Variants in SLITRK4 observed in about 807,000 individuals in gnomAD.
SLITRK4 encodes SLIT and NTRK-like protein 4.
SLITRK4 carries 7 observed loss-of-function variants against 34.7 expected under a neutral mutation model. The observed-to-expected ratio is 0.20, with a 90% confidence interval of 0.11 to 0.38. SLITRK4 has a LOEUF of 0.38. Ranked by LOEUF, SLITRK4 falls within the 10% of genes least tolerant of loss-of-function variation. The pLI is 1.00. For missense variants in SLITRK4, 474 were observed against 607.0 expected (o/e 0.78, Z 2.30); for synonymous variants, 237 against 246.2 (o/e 0.96, Z 0.35).
chrX:143,630,750 T>C lies in SLITRK4; in HGVS notation c.359A>G (p.Lys120Arg). Residue 120 changes from lysine (K) to arginine (R), a missense_variant, in exon 2 of 2, where the codon AAG (lysine) becomes AGG (arginine). Coordinates refer to ENST00000356928, the MANE Select transcript of SLITRK4 (RefSeq NM_001184749.3). ...KQLHLNNNEL[K>R]ILRADTFLGI... The stretch of plus-strand genomic sequence containing the variant: ...AAGGAAAGTGTCAGCTCGGAGAATC[T>C]TTAATTCATTGTTGTTCAAGTGCAA... 8.3e-7 allele frequency: 1 copy of C among 1,211,150 alleles called. No individual in the cohort carries two copies. Among genetic ancestry groups the C allele is most frequent in the Non-Finnish European group, 1.1e-6 (1 of 895,313 alleles).
At chrX:143,633,361 G>A (rs1376324326) in intron 1 of SLITRK4, among the ~76,000 whole-genome samples, 5 of 111,017 alleles carry the variant, frequency 4.5e-5, no homozygotes, top group African/African-American at 1.6e-4. Flanking sequence ...GAATGTATGC[G>A]AATAAAGCCT....
Position 143,629,935 on chromosome X carries a change from C to A in SLITRK4, c.1174G>T (p.Val392Leu), listed in dbSNP as rs1259808930. Residue 392 changes from valine to leucine, a missense_variant, in exon 2 of 2, where the codon GTG becomes TTG. Val to Leu is a conservative substitution (Grantham distance 32, BLOSUM62 1). This residue lies in a region of SLITRK4 where 345 missense variants were observed against 406.5 expected (regional missense o/e 0.85). Transcript: ENST00000356928. ...AAGTCAGTGAAGTCTGATACGTCCA[C>A]ATCCTTGATGCTATTGCCATTGACG... ...LHVNGNSIKD[V>L]DVSDFTDFEG... is the part of the protein sequence containing the mutation. The A allele has an allele frequency of 5.8e-6, 7 of 1,210,383 alleles. No homozygotes were observed. Among genetic ancestry groups the A allele is most frequent in the Non-Finnish European group, 7.8e-6 (7 of 895,354 alleles).
At chrX:143,631,871 T>C (rs1931050547) in intron 1 of SLITRK4, among the ~76,000 whole-genome samples, 1 of 111,928 alleles carries the variant, frequency 8.9e-6, no homozygotes, top group South Asian at 3.7e-4. Context: ...TTTTATTTTC[T>C]GGTAAATAAA....
rs782288305 is a variant in SLITRK4, at chrX:143,628,770, C to T, written c.2339G>A (p.Arg780His). ...TTTGTCTGGTTGTTTTTCTGGATAG[C>T]GGATCTCAAAGCCACTGACACCTAT... Reference protein sequence around the residue: ...NSIGVSGFEIRYPEKQPDKKS... With the variant: ...NSIGVSGFEIHYPEKQPDKKS... Residue 780 changes from arginine (R) to histidine (H), a missense_variant, in exon 2 of 2, where the codon CGC (arginine) becomes CAC (histidine). Coordinates refer to ENST00000356928, the MANE Select transcript of SLITRK4 (RefSeq NM_001184749.3). The T allele has an allele frequency of 2.2e-5, 27 of 1,210,729 alleles. No homozygotes were observed. The South Asian group carries it at 2.6e-4, about 12-fold the overall frequency.
chrX:143,630,575 T>C lies in SLITRK4; in HGVS notation c.534A>G (p.Ala178=). The change falls in exon 2 of 2, where the codon GCA becomes GCG. Residue 178 remains alanine (A), a synonymous_variant. Coordinates refer to ENST00000356928, the MANE Select transcript of SLITRK4 (RefSeq NM_001184749.3). The stretch of plus-strand genomic sequence containing the variant: ...CTCGTATATCCAGATGGGTCAAAGA[T>C]GCGAATCGGAAAATATTATCAGGAA... ...SFLPDNIFRF[A]SLTHLDIRGN... 1 of 1,211,372 alleles carries C rather than the reference T, an allele frequency of 8.3e-7. No individual in the cohort carries two copies. The highest frequency in any genetic ancestry group is 1.8e-5 in the South Asian group (1 of 56,886).
Position 143,628,446 on chromosome X carries a change from A to G in SLITRK4, c.*149T>C, listed in dbSNP as rs1186869978. 1.6e-5 allele frequency: 7 copies of G among 445,940 alleles called. No individual in the cohort carries two copies. Among genetic ancestry groups the G allele is most frequent in the African/African-American group, 1.5e-4 (6 of 40,210 alleles). 36.8% of individuals were successfully genotyped at this position (445,940 alleles called of 1,213,427 possible). A position where few individuals can be genotyped will look rare whatever the true frequency, so the allele number is the denominator to read the frequency against. On this transcript the variant is annotated 3_prime_UTR_variant, in exon 2 of 2. Transcript: ENST00000356928. ...TATTAAACAAATTCTCTTCTACTTG[A>G]CACATCTTTGCAGCTACAGTTAATG... is the stretch of plus-strand genomic sequence containing the variant.
chrX:143,628,982 G>A lies in SLITRK4; in HGVS notation c.2127C>T (p.Phe709=), dbSNP rs782468238. The change falls in exon 2 of 2, where the codon TTC becomes TTT. Residue 709 remains phenylalanine (F), a synonymous_variant. Transcript: ENST00000356928. The stretch of plus-strand genomic sequence containing the variant: ...TCTGTCCTGGAGGATCTGAAAACAT[G>A]AACCCAGTTTCTGACTCTTTCAAGC... ...TCGLKESETG[F]MFSDPPGQKV... 6 of 1,209,570 alleles carry A rather than the reference G, an allele frequency of 5.0e-6. No homozygotes were observed. The Admixed American group carries it at 1.3e-4, about 26-fold the overall frequency.
chrX:143,631,177 A>C lies in SLITRK4; in HGVS notation c.-50-19T>G. The C allele has an allele frequency of 1.1e-6, 1 of 893,206 alleles. No homozygotes were observed. The allele number at this position is 893,206 out of a possible 1,213,427, so 73.6% of individuals were successfully genotyped here. A position where few individuals can be genotyped will look rare whatever the true frequency, so the allele number is the denominator to read the frequency against. On this transcript the variant is annotated intron_variant, in intron 1 of 1. Coordinates refer to ENST00000356928, the MANE Select transcript of SLITRK4 (RefSeq NM_001184749.3). ...AAATAATCTAAAAAATAAAAAGAAA[A>C]CATTTTTTCAATGGTCATTACTTGA...
chrX:143,631,188 A>G (rs1233658414), intron 1 of SLITRK4, 30 bp from the exon 2 acceptor site: 15 of 828,281 alleles, frequency 1.8e-5, no homozygotes, highest in Non-Finnish European at 2.5e-5. Flanking sequence ...CATTTTTTCA[A>G]TGGTCATTAC....
chrX:143,630,228 G>C lies in SLITRK4; in HGVS notation c.881C>G (p.Thr294Arg). 8.3e-7 allele frequency: 1 copy of C among 1,211,884 alleles called. No homozygotes were observed. Among genetic ancestry groups the C allele is most frequent in the Non-Finnish European group, 1.1e-6 (1 of 895,562 alleles). The change falls in exon 2 of 2, where the codon ACA becomes AGA. Residue 294 changes from threonine to arginine, a missense_variant. By Grantham distance (71) the Thr-to-Arg change is moderately conservative (BLOSUM62 -1). Transcript: ENST00000356928. ...TTTAGTTACTAATCTGTGTAAAGATGTTTGGGTAGTGTGACCATTGGGAGT... is the reference window on the plus strand; with the variant it reads ...TTTAGTTACTAATCTGTGTAAAGATCTTTGGGTAGTGTGACCATTGGGAGT... The part of the protein sequence containing the change: ...YTTPNGHTTQ[T>R]SLHRLVTKPP...
At position 143,622,950 on chromosome X, in the gene SLITRK4, A is replaced by C. The variant is rs1455684833; in HGVS notation, c.*5645T>G. On this transcript the variant is annotated 3_prime_UTR_variant, in exon 2 of 2. Coordinates refer to ENST00000356928, the MANE Select transcript of SLITRK4 (RefSeq NM_001184749.3). Reference sequence around the variant, plus strand: ...ACAAAGCTTACTATGATTTTCACACACTTCCATGAGCAATATCCACTGCAC... The same window carrying C: ...ACAAAGCTTACTATGATTTTCACACCCTTCCATGAGCAATATCCACTGCAC... 9.0e-6 allele frequency: 1 copy of C among 110,908 alleles called. No homozygotes were observed. The highest frequency in any genetic ancestry group is 1.9e-5 in the Non-Finnish European group (1 of 52,857). The allele number at this position is 110,908 out of a possible 1,213,427, so 9.1% of individuals were successfully genotyped here.
Position 143,630,736 on chromosome X carries a change from C to T in SLITRK4, c.373G>A (p.Asp125Asn). 8.3e-7 allele frequency: 1 copy of T among 1,210,268 alleles called. No individual in the cohort carries two copies. Among genetic ancestry groups the T allele is most frequent in the Non-Finnish European group, 1.1e-6 (1 of 895,051 alleles). ...NNNELKILRA[D>N]TFLGIENLEY... ...AAGTTCTCTATGCCAAGGAAAGTGT[C>T]AGCTCGGAGAATCTTTAATTCATTG... The change falls in exon 2 of 2, where the codon GAC becomes AAC. Residue 125 changes from aspartate (D) to asparagine (N), a missense_variant. Physicochemically the swap from Asp to Asn is conservative, Grantham distance 23. This residue lies in a region of SLITRK4 where 84 missense variants were observed against 101.3 expected (regional missense o/e 0.83). Coordinates refer to ENST00000356928, the MANE Select transcript of SLITRK4 (RefSeq NM_001184749.3).
At chrX:143,635,579 A>G (rs1433858486) in intron 1 of SLITRK4, among the ~76,000 whole-genome samples, 156 bp downstream of exon 1, 4 of 109,135 alleles carry the variant, frequency 3.7e-5, no homozygotes, top group African/African-American at 6.7e-5. Flanking sequence ...AGCCAAAGAA[A>G]CACTGGAGAG....
chrX:143,628,931 G>T lies in SLITRK4; in HGVS notation c.2178C>A (p.Asp726Glu), dbSNP rs199684349. The part of the protein sequence containing the change: ...GQKVVMRNVA[D>E]KEKDLLHVDT... ...CTACATGTAATAAATCTTTCTCCTT[G>T]TCGGCCACATTTCTCATAACAACTT... Residue 726 changes from aspartate (D) to glutamate (E), a missense_variant, in exon 2 of 2, where the codon GAC becomes GAA. Transcript: ENST00000356928. 3.0e-4 allele frequency: 363 copies of T among 1,209,696 alleles called. 1 individual carries two copies. Among genetic ancestry groups the T allele is most frequent in the Middle Eastern group, 2.8e-3 (12 of 4,353 alleles).
intron 1 of SLITRK4, among the ~76,000 whole-genome samples, chrX:143,635,489 C>CACACACACAT (rs1931210099): frequency 2.3e-5 from 2 of 85,359 alleles, no homozygotes; most frequent in African/African-American, 9.1e-5. Context: ...GGAACACACA[C>CACACACACAT]ACACACACAC....
Position 143,629,948 on chromosome X carries a change from A to G in SLITRK4, c.1161T>C (p.Asn387=). The G allele has an allele frequency of 1.7e-6, 2 of 1,211,797 alleles. No homozygotes were observed. The highest frequency in any genetic ancestry group is 4.3e-5 in the Admixed American group (2 of 46,032). Residue 387 remains asparagine, a synonymous_variant, in exon 2 of 2, where the codon AAT becomes AAC. Transcript: ENST00000356928. ...CTGATACGTCCACATCCTTGATGCT[A>G]TTGCCATTGACGTGCAGCTTCTTCG... The part of the protein sequence containing the change: ...LNAKKLHVNG[N]SIKDVDVSDF...
chrX:143,633,774 A>G (rs139517734), intron 1 of SLITRK4, among the ~76,000 whole-genome samples: 1,376 of 111,414 alleles, frequency 0.012, 4 homozygotes, highest in Middle Eastern at 0.051. Flanking sequence ...AGACCCGGCC[A>G]TTGCCGCCCG....
Position 143,635,383 on chromosome X carries a change from C to G in SLITRK4, c.-51+352G>C, listed in dbSNP as rs1931202924. Among the ~76,000 whole-genome samples, 3 of 103,786 alleles carry G rather than the reference C, an allele frequency of 2.9e-5. No homozygotes were observed. The Admixed American group carries it at 3.2e-4, about 11-fold the overall frequency. The allele number at this position is 103,786 out of a possible 115,157, so 90.1% of individuals were successfully genotyped here. On this transcript the variant is annotated intron_variant, in intron 1 of 1. Coordinates refer to ENST00000356928, the MANE Select transcript of SLITRK4 (RefSeq NM_001184749.3). ...ACCCCTTTCCTCAGGCGTGGAGACC[C>G]CAGTCCTCTAACAAGGGCGCACTCG...
At position 143,629,553 on chromosome X, in the gene SLITRK4, T is replaced by C; in HGVS notation, c.1556A>G (p.Gln519Arg). ...GTCAATCTGTGTAAGAGATTGCAAC[T>C]GATCAAGGACCCCGCTGACAGGCAG... is the stretch of plus-strand genomic sequence containing the variant. The part of the protein sequence containing the change: ...MYLPVSGVLD[Q>R]LQSLTQIDLE... The change falls in exon 2 of 2, where the codon CAG becomes CGG. Residue 519 changes from glutamine to arginine, a missense_variant. Physicochemically the swap from Gln to Arg is conservative, Grantham distance 43. Coordinates refer to ENST00000356928, the MANE Select transcript of SLITRK4 (RefSeq NM_001184749.3). 8.3e-7 allele frequency: 1 copy of C among 1,211,429 alleles called. No individual in the cohort carries two copies. Among genetic ancestry groups the C allele is most frequent in the Non-Finnish European group, 1.1e-6 (1 of 895,428 alleles).
Sources: gnomAD v4.1 joint callset for allele counts (sites outside exome capture counted in the v4.1 genomes callset) on GRCh38, gnomAD v4.1.1 for gene constraint, gnomAD v4.1.1 regional missense constraint, MANE v1.5 for transcripts, NCBI Gene and HGNC (gene_info 2026-07-23, HGNC 2026-07-21) for gene names.